EEF2K: variants seen among roughly 807,000 people sequenced by gnomAD.
EEF2K encodes the protein alternative protein EEF2K.
Under a neutral mutation model 93.8 loss-of-function variants are expected in EEF2K, and 70 were observed. The ratio of observed to expected loss-of-function variants is 0.75; its 90% CI spans 0.62 to 0.91. The LOEUF is 0.91. Among genes scored for constraint, EEF2K ranks in the 40% least tolerant of loss-of-function variants. The pLI, the probability that EEF2K is intolerant of heterozygous loss-of-function variation, is 0.00. For missense variants in EEF2K, 935 were observed against 972.9 expected (o/e 0.96, Z 0.52); for synonymous variants, 376 against 380.8 (o/e 0.99, Z 0.15).
Position 22,266,402 on chromosome 16 carries a change from A to C in EEF2K, c.1453A>C (p.Lys485Gln). 6.2e-7 allele frequency: 1 copy of C among 1,613,948 alleles called. No individual in the cohort carries two copies. Among genetic ancestry groups the C allele is most frequent in the Non-Finnish European group, 8.5e-7 (1 of 1,179,984 alleles). ...LGSSGRVCVE[K>Q]WNLLNSSRLH... Reference sequence around the variant, plus strand: ...TCTTTCCCTTCAGGTATGTGTAGAGAAGTGGAATCTCCTCAACTCCTCCCG... The same window carrying C: ...TCTTTCCCTTCAGGTATGTGTAGAGCAGTGGAATCTCCTCAACTCCTCCCG... Residue 485 changes from lysine (K) to glutamine (Q), a missense_variant, in exon 14 of 18, where the codon AAG (lysine) becomes CAG (glutamine). Coordinates refer to ENST00000263026, the MANE Select transcript of EEF2K (RefSeq NM_013302.5).
intron 12 of EEF2K, among the ~76,000 whole-genome samples, chr16:22,263,668 A>G (rs1263718452): frequency 6.6e-6 from 1 of 152,198 alleles, no homozygotes; most frequent in African/African-American, 2.4e-5. Context: ...ATAAAACAGG[A>G]TCATGTGGAC....
At chr16:22,232,682 C>T (rs2047127955) in intron 2 of EEF2K, among the ~76,000 whole-genome samples, 2 of 152,134 alleles carry the variant, frequency 1.3e-5, no homozygotes, top group African/African-American at 4.8e-5. Flanking sequence ...CTGATGCGAC[C>T]TCCATTCCCT....
At chr16:22,238,925 G>A (rs1292991193) in intron 2 of EEF2K, among the ~76,000 whole-genome samples, 1 of 152,034 alleles carries the variant, frequency 6.6e-6, no homozygotes, top group Admixed American at 6.6e-5. Context: ...GTGGGAGTGT[G>A]TCTACCCTGG....
At chr16:22,218,781 G>A (rs1407423516) in intron 1 of EEF2K, among the ~76,000 whole-genome samples, 1 of 152,084 alleles carries the variant, frequency 6.6e-6, no homozygotes, top group Non-Finnish European at 1.5e-5. Flanking sequence ...TGGTAGAGAT[G>A]GGGCTTGAAC....
intron 17 of EEF2K, among the ~76,000 whole-genome samples, chr16:22,283,409 T>A (rs2047717150): frequency 6.6e-6 from 1 of 152,198 alleles, no homozygotes; most frequent in South Asian, 2.1e-4. Context: ...GAAGTATATT[T>A]GTATGTTTTA....
chr16:22,250,102 GGTCTT>G (rs2141669131), intron 4 of EEF2K, among the ~76,000 whole-genome samples: 2 of 152,064 alleles, frequency 1.3e-5, no homozygotes, highest in South Asian at 4.2e-4. Flanking sequence ...TGTAGAGGGA[GGTCTT>G]GCTATGTTGC....
chr16:22,280,142 C>T (rs2047677918), intron 16 of EEF2K, 56 bp from the exon 17 acceptor site: 2 of 1,411,590 alleles, frequency 1.4e-6, no homozygotes, highest in East Asian at 2.7e-5. Context: ...AGGCCCTCCT[C>T]CTGCCACCCT....
At chr16:22,262,315 G>A (rs1386952068) in intron 11 of EEF2K, among the ~76,000 whole-genome samples, 1 of 152,072 alleles carries the variant, frequency 6.6e-6, no homozygotes, top group Non-Finnish European at 1.5e-5. Context: ...TTTGAGACCA[G>A]CCTGGCCAAT....
At chr16:22,257,183 G>T (rs1384369254) in intron 7 of EEF2K, 70 bp from the exon 8 acceptor site, 9 of 1,607,686 alleles carry the variant, frequency 5.6e-6, no homozygotes. Flanking sequence ...CATGGGCAGA[G>T]GCGTGGCCAG....
At chr16:22,232,152 T>C (rs961297504) in intron 2 of EEF2K, among the ~76,000 whole-genome samples, 1 of 152,110 alleles carries the variant, frequency 6.6e-6, no homozygotes, top group South Asian at 2.1e-4. Flanking sequence ...ACCTCTGCCT[T>C]ATAAAATTTC....
In EEF2K at chr16:22,249,956, A is replaced by AT. The variant is rs749587431; in HGVS notation, c.409-693dup. ...ACCATCACGCCCAGCCAATTTTTCTATTTTTAGTAGAGACAGGGTTTCTCC... is the reference window on the plus strand; with the variant it reads ...ACCATCACGCCCAGCCAATTTTTCTATTTTTTAGTAGAGACAGGGTTTCTCC... On this transcript the variant is annotated intron_variant, in intron 4 of 17. Coordinates refer to ENST00000263026, the MANE Select transcript of EEF2K (RefSeq NM_013302.5). Among the ~76,000 whole-genome samples, 53 of 151,566 alleles carry AT rather than the reference A, an allele frequency of 3.5e-4. No homozygotes were observed. The East Asian group carries it at 6.0e-3, about 17-fold the overall frequency.
At chr16:22,230,528 T>C (rs187354062) in intron 2 of EEF2K, among the ~76,000 whole-genome samples, 1 of 152,054 alleles carries the variant, frequency 6.6e-6, no homozygotes, top group African/African-American at 2.4e-5. Context: ...CTTCTTCTTT[T>C]CTTTTTTCTT....
Position 22,260,521 on chromosome 16 carries a change from A to G in EEF2K, c.1291A>G (p.Asn431Asp). The change falls in exon 11 of 18, where the codon AAC becomes GAC. Residue 431 changes from asparagine to aspartate, a missense_variant. Asn to Asp is a conservative substitution (Grantham distance 23, BLOSUM62 1). Coordinates refer to ENST00000263026, the MANE Select transcript of EEF2K (RefSeq NM_013302.5). ...ATCCAGAGACCATGATCATCTAGACAACCACCGGGTGAGTGTGAAGGGAGG... is the reference window on the plus strand; with the variant it reads ...ATCCAGAGACCATGATCATCTAGACGACCACCGGGTGAGTGTGAAGGGAGG... ...MASRDHDHLD[N>D]HRESENSGDS... is the part of the protein sequence containing the mutation. The G allele has an allele frequency of 6.2e-7, 1 of 1,614,042 alleles. No individual in the cohort carries two copies. Among genetic ancestry groups the G allele is most frequent in the Non-Finnish European group, 8.5e-7 (1 of 1,179,996 alleles).
intron 3 of EEF2K, among the ~76,000 whole-genome samples, chr16:22,247,037 C>CAAAAAAAAAAAAAAAAAAAA (rs57073413): frequency 7.3e-5 from 1 of 13,696 alleles, no homozygotes; most frequent in African/African-American, 1.9e-4. Context: ...GACTCCATCT[C>CAAAAAAAAAAAAAAAAAAAA]AAAAAAAAAA....
chr16:22,216,461 T>G (rs573646502), intron 1 of EEF2K, among the ~76,000 whole-genome samples: 2 of 152,296 alleles, frequency 1.3e-5, no homozygotes, highest in East Asian at 1.9e-4. Context: ...GATAAGCAGA[T>G]AAGTAGCTCT....
chr16:22,244,108 A>G (rs2047256971), intron 2 of EEF2K, among the ~76,000 whole-genome samples: 1 of 151,674 alleles, frequency 6.6e-6, no homozygotes, highest in South Asian at 2.1e-4. Context: ...GGGCGCCTAT[A>G]ATCTCAGCTA....
chr16:22,237,246 A>AT (rs2047177287), intron 2 of EEF2K, among the ~76,000 whole-genome samples: 1 of 149,472 alleles, frequency 6.7e-6, no homozygotes, highest in African/African-American at 2.4e-5. Flanking sequence ...CACCCGGCCC[A>AT]TAGCCCTCTG....
intron 16 of EEF2K, among the ~76,000 whole-genome samples, chr16:22,274,417 C>G (rs1270121781): frequency 6.8e-6 from 1 of 147,328 alleles, no homozygotes; most frequent in African/African-American, 2.5e-5. Flanking sequence ...GCACTCCAGC[C>G]TGGGGTACAG....
At position 22,240,101 on chromosome 16, in the gene EEF2K, CAAA is replaced by C. The variant is rs765234012; in HGVS notation, c.247-4511_247-4509del. Among the ~76,000 whole-genome samples, 6 of 58,296 alleles carry C rather than the reference CAAA, an allele frequency of 1.0e-4. No homozygotes were observed. In the South Asian group the frequency reaches 1.7e-3, roughly 17 times the overall value. 38.2% of individuals were successfully genotyped at this position (58,296 alleles called of 152,430 possible). A position where few individuals can be genotyped will look rare whatever the true frequency, so the allele number is the denominator to read the frequency against. ...CTGGTGACAGAGCCAGACTCCATCT[CAAA>C]AAAAAAAAAAAAAAAAAGGTACAGG... On this transcript the variant is annotated intron_variant, in intron 2 of 17. Transcript: ENST00000263026.
Sources: allele counts gnomAD v4.1 joint callset (sites outside exome capture counted in the v4.1 genomes callset), GRCh38; gene constraint gnomAD v4.1.1; transcripts MANE v1.5; gene names NCBI Gene and HGNC (gene_info 2026-07-23, HGNC 2026-07-21).